The following URI1 variants were observed in gnomAD, a reference collection of about 807,000 sequenced individuals.
URI1 encodes the protein unconventional prefoldin RPB5 interactor 1.
In URI1, 39 loss-of-function variants were observed where a neutral mutation model predicts 60.2. That is an observed-to-expected ratio of 0.65 (90% CI 0.50 to 0.85). The LOEUF (loss-of-function observed/expected upper bound fraction) is 0.85, where lower values mean the gene tolerates loss of function less well. Ranked by LOEUF, URI1 falls within the 40% of genes least tolerant of loss-of-function variation. URI1 has a pLI of 0.00. For missense variants in URI1, 691 were observed against 665.9 expected (o/e 1.04, Z -0.42); for synonymous variants, 251 against 236.8 (o/e 1.06, Z -0.55).
intron 6 of URI1, among the ~76,000 whole-genome samples, chr19:30,007,220 G>C (rs999154393): frequency 6.6e-6 from 1 of 152,020 alleles, no homozygotes; most frequent in Admixed American, 6.6e-5. Context: ...GATTCAGTGG[G>C]TCTAGGGTGT....
intron 1 of URI1, among the ~76,000 whole-genome samples, chr19:29,935,713 T>TTTTTTC (rs1441431128): frequency 4.0e-5 from 6 of 151,764 alleles, no homozygotes; most frequent in African/African-American, 1.5e-4. Flanking sequence ...TTTTTTTTTT[T>TTTTTTC]TCCCCAGGAC....
At chr19:29,973,740 TTGG>T (rs1205263374) in intron 2 of URI1, among the ~76,000 whole-genome samples, 1 of 152,044 alleles carries the variant, frequency 6.6e-6, no homozygotes, top group East Asian at 1.9e-4. Context: ...TCCTAGAACT[TTGG>T]TGAACGAAGA....
intron 4 of URI1, among the ~76,000 whole-genome samples, chr19:29,995,620 A>C (rs1300544677): frequency 6.6e-6 from 1 of 150,860 alleles, no homozygotes; most frequent in Non-Finnish European, 1.5e-5. Context: ...GATGCACAAA[A>C]ATTTTTAATT....
chr19:29,997,106 C>T (rs954967284), intron 4 of URI1, among the ~76,000 whole-genome samples: 11 of 152,054 alleles, frequency 7.2e-5, no homozygotes, highest in African/African-American at 2.7e-4. Flanking sequence ...AATGTGTTCC[C>T]TCCCTTTTCA....
chr19:29,956,561 A>G, intron 1 of URI1: 2 of 1,523,804 alleles, frequency 1.3e-6, no homozygotes, highest in South Asian at 1.1e-5. Flanking sequence ...TCAAGGATTA[A>G]TTCATCTTTC....
At chr19:29,982,098 C>T (rs758230998) in intron 2 of URI1, among the ~76,000 whole-genome samples, 14 of 152,200 alleles carry the variant, frequency 9.2e-5, no homozygotes, top group Non-Finnish European at 1.9e-4. Context: ...GAGGGTTCCT[C>T]AAGCTGTAGT....
chr19:29,942,404 C>T lies in URI1; in HGVS notation c.-144C>T. 1 of 982,540 alleles carries T rather than the reference C, an allele frequency of 1.0e-6. No homozygotes were observed. The highest frequency in any genetic ancestry group is 1.2e-6 in the Non-Finnish European group (1 of 828,686). The allele number at this position is 982,540 out of a possible 1,614,324, so 60.9% of individuals were successfully genotyped here. On this transcript the variant is annotated 5_prime_UTR_variant, in exon 1 of 11. Coordinates refer to ENST00000392271, the MANE Select transcript of URI1 (RefSeq NM_003796.3). The stretch of plus-strand genomic sequence containing the variant: ...CGGGCGGCGCGGACGCGAACAGCAG[C>T]GGCGGCGGCGGGCGCGGCCTCCTGG...
In URI1 at chr19:29,968,696, C is replaced by T. The variant is rs200520774; in HGVS notation, c.118-2497C>T. Among the ~76,000 whole-genome samples, 62 of 149,556 alleles carry T rather than the reference C, an allele frequency of 4.1e-4. 1 individual carries two copies. The East Asian group carries it at 0.01, about 24-fold the overall frequency. ...ATGCCATTCTCCTACCTCAGCCTCCCGAGTAGCCAGGACTACAGGCACCTG... is the reference window on the plus strand; with the variant it reads ...ATGCCATTCTCCTACCTCAGCCTCCTGAGTAGCCAGGACTACAGGCACCTG... On this transcript the variant is annotated intron_variant, in intron 1 of 10. Coordinates refer to ENST00000392271, the MANE Select transcript of URI1 (RefSeq NM_003796.3).
chr19:29,985,641 T>G (rs1364017350), intron 3 of URI1, among the ~76,000 whole-genome samples: 1 of 152,224 alleles, frequency 6.6e-6, no homozygotes. Flanking sequence ...CCATAATGTT[T>G]TGTAATTCAC....
intron 2 of URI1, among the ~76,000 whole-genome samples, chr19:29,984,506 C>T (rs1033495010): frequency 1.3e-5 from 2 of 152,108 alleles, no homozygotes; most frequent in African/African-American, 4.8e-5. Flanking sequence ...TACTGTCTCC[C>T]TTAATTTTCA....
intron 1 of URI1, among the ~76,000 whole-genome samples, chr19:29,936,516 G>T (rs996482251): frequency 1.3e-5 from 2 of 152,134 alleles, no homozygotes; most frequent in African/African-American, 4.8e-5. Flanking sequence ...TCTGATTTTT[G>T]ACAATCTGGC....
intron 1 of URI1, among the ~76,000 whole-genome samples, chr19:29,927,560 CTTTTTT>C (rs3049080): frequency 2.5e-4 from 10 of 39,812 alleles, no homozygotes; most frequent in African/African-American, 1.1e-3. Flanking sequence ...CTGCACCCGG[CTTTTTT>C]TTTTTTTTTT....
intron 1 of URI1, among the ~76,000 whole-genome samples, chr19:29,924,131 T>C (rs780525483): frequency 3.3e-5 from 5 of 152,124 alleles, no homozygotes; most frequent in African/African-American, 4.8e-5. Context: ...CCTCAGTGGA[T>C]TGAATGTTGC....
intron 1 of URI1, among the ~76,000 whole-genome samples, chr19:29,927,948 A>T (rs561636711): frequency 6.6e-6 from 1 of 151,816 alleles, no homozygotes; most frequent in African/African-American, 2.4e-5. Flanking sequence ...CTGAAGGGAT[A>T]CTACACGACA....
At chr19:29,974,740 T>C (rs1306683860) in intron 2 of URI1, among the ~76,000 whole-genome samples, 1 of 152,168 alleles carries the variant, frequency 6.6e-6, no homozygotes, top group Non-Finnish European at 1.5e-5. Context: ...CCCCTGCCCT[T>C]TCTCACCGCT....
At chr19:29,945,947 T>C (rs755450401) in intron 1 of URI1, among the ~76,000 whole-genome samples, 1 of 152,222 alleles carries the variant, frequency 6.6e-6, no homozygotes, top group Non-Finnish European at 1.5e-5. Context: ...CAAAACACTT[T>C]CTGAGCCTGA....
At chr19:29,938,356 G>T (rs2145210560), upstream of URI1, among the ~76,000 whole-genome samples, 1 of 152,182 alleles carries the variant, frequency 6.6e-6, no homozygotes. Context: ...AGGAGGAGGT[G>T]CCAGGCTCTT....
In URI1 at chr19:30,012,863, G is replaced by T. The variant is rs2056040762; in HGVS notation, c.1425+332G>T. 2.4e-5 allele frequency: 5 copies of T among 211,244 alleles called. No individual in the cohort carries two copies. In the Admixed American group the frequency reaches 2.8e-4, roughly 12 times the overall value. The allele number at this position is 211,244 out of a possible 1,614,324, so 13.1% of individuals were successfully genotyped here. On this transcript the variant is annotated intron_variant, in intron 10 of 10. Coordinates refer to ENST00000392271, the MANE Select transcript of URI1 (RefSeq NM_003796.3). Reference sequence around the variant, plus strand: ...TACCAGTAGGTCATTTTCTGATAGTGTAAGGAGCAGATTACATTATTCTCT... The same window carrying T: ...TACCAGTAGGTCATTTTCTGATAGTTTAAGGAGCAGATTACATTATTCTCT...
chr19:29,957,762 A>C (rs1217426992), intron 1 of URI1, among the ~76,000 whole-genome samples: 6 of 152,156 alleles, frequency 3.9e-5, no homozygotes, highest in African/African-American at 1.4e-4. Context: ...AAATCTATGA[A>C]CATGGTATAT....
Sources: allele counts gnomAD v4.1 joint callset (sites outside exome capture counted in the v4.1 genomes callset), GRCh38; gene constraint gnomAD v4.1.1; transcripts MANE v1.5; gene names NCBI Gene and HGNC (gene_info 2026-07-23, HGNC 2026-07-21).